PSMD2: variants seen among roughly 807,000 people sequenced by gnomAD.
PSMD2 encodes the protein 26S proteasome non-ATPase regulatory subunit 2.
Under a neutral mutation model 101.5 loss-of-function variants are expected in PSMD2, and 8 were observed. The observed-to-expected ratio is 0.08, with a 90% confidence interval of 0.05 to 0.14. The LOEUF (loss-of-function observed/expected upper bound fraction) is 0.14. PSMD2 is among the 10% of genes least tolerant of loss of function. The pLI is 1.00. For synonymous variants in PSMD2, 418 were observed against 433.8 expected (o/e 0.96, Z 0.45); for missense variants, 784 against 1,147.4 (o/e 0.68, Z 4.58).
At chr3:184,305,163 A>G (rs1721787245) in intron 12 of PSMD2, among the ~76,000 whole-genome samples, 1 of 152,014 alleles carries the variant, frequency 6.6e-6, no homozygotes, top group African/African-American at 2.4e-5. Context: ...ATCCTGAACA[A>G]GTAATTCAAT....
rs1577158367 is a variant in PSMD2 at position 184,304,468 on chromosome 3, AAAG to A, written c.1539+81_1539+83del. ...CTTACTTTCTGTGATAAATAATGAA[AAAG>A]AAGTAAGTGTGTGCATGTGTGCATA... On this transcript the variant is annotated intron_variant, in intron 12 of 20. Transcript: ENST00000310118. This position sits in a 1 kb window ranked among gnomAD's most constrained non-coding sequence, Gnocchi z 4.1. The A allele has an allele frequency of 2.5e-5, 37 of 1,460,260 alleles. No individual in the cohort carries two copies. In the East Asian group the frequency reaches 8.2e-4, roughly 32 times the overall value. The allele number at this position is 1,460,260 out of a possible 1,614,324, so 90.5% of individuals were successfully genotyped here.
chr3:184,306,028 T>C, intron 13 of PSMD2, 26 bp from the exon 14 acceptor site: 14 of 1,614,050 alleles, frequency 8.7e-6, no homozygotes, highest in Non-Finnish European at 1.1e-5. Context: ...GCAAGTATCC[T>C]CTGACCCCTT....
intron 8 of PSMD2, 62 bp from the exon 9 acceptor site, chr3:184,303,258 T>C: frequency 6.3e-7 from 1 of 1,577,206 alleles, no homozygotes; most frequent in Non-Finnish European, 8.6e-7. Flanking sequence ...TGCCATGCTG[T>C]GTTTCTTTCC....
chr3:184,308,158 G>A lies in PSMD2; in HGVS notation c.2425+142G>A. 8.8e-7 allele frequency: 1 copy of A among 1,138,454 alleles called. No individual in the cohort carries two copies. The highest frequency in any genetic ancestry group is 1.2e-6 in the Non-Finnish European group (1 of 817,824). The allele number at this position is 1,138,454 out of a possible 1,614,324, so 70.5% of individuals were successfully genotyped here. A position where few individuals can be genotyped will look rare whatever the true frequency, so the allele number is the denominator to read the frequency against. Reference sequence around the variant, plus strand: ...TTTCTGAGACAGGCTTTGGGCCTGTGACATGAGACTTTCATCACCCACACT... The same window carrying A: ...TTTCTGAGACAGGCTTTGGGCCTGTAACATGAGACTTTCATCACCCACACT... On this transcript the variant is annotated intron_variant, in intron 19 of 20. Transcript: ENST00000310118. The surrounding 1 kb of genome is among the most constrained non-coding windows in gnomAD (Gnocchi z 6.0).
chr3:184,308,540 A>T lies in PSMD2; in HGVS notation c.2517A>T (p.Pro839=), dbSNP rs779855079. ...MLVTFDEELR[P]LPVSVRVGQA... ...TTACGTTTGATGAGGAGCTGCGGCC[A>T]TTGCCAGTGTCTGTCCGTGTGGGCC... The change falls in exon 20 of 21, where the codon CCA becomes CCT. Residue 839 remains proline, a synonymous_variant. Transcript: ENST00000310118. This position sits in a 1 kb window ranked among gnomAD's most constrained non-coding sequence, Gnocchi z 6.0. 62 of 1,613,764 alleles carry T rather than the reference A, an allele frequency of 3.8e-5. No homozygotes were observed. The highest frequency in any genetic ancestry group is 4.7e-5 in the Non-Finnish European group (56 of 1,180,006).
At chr3:184,301,704 G>C in intron 4 of PSMD2, 46 bp downstream of exon 4, 1 of 1,612,128 alleles carries the variant, frequency 6.2e-7, no homozygotes, top group Non-Finnish European at 8.5e-7. Context: ...CTGAGGCTCT[G>C]AGATAATTCA....
In PSMD2 at chr3:184,303,839, C is replaced by G; in HGVS notation, c.1323+90C>G. Reference sequence around the variant, plus strand: ...CTCTCTTTCACTGATGAGGTCTGCCCAGTTTTTAACTCTAGTTAATAAGGG... The same window carrying G: ...CTCTCTTTCACTGATGAGGTCTGCCGAGTTTTTAACTCTAGTTAATAAGGG... On this transcript the variant is annotated intron_variant, in intron 10 of 20. Transcript: ENST00000310118. 5 of 1,601,606 alleles carry G rather than the reference C, an allele frequency of 3.1e-6. No homozygotes were observed. In the South Asian group the frequency reaches 5.5e-5, roughly 18 times the overall value.
rs987160008 is a variant in PSMD2 at position 184,299,283 on chromosome 3, G to A, written c.17G>A (p.Arg6Gln). The A allele has an allele frequency of 7.3e-7, 1 of 1,361,016 alleles. No homozygotes were observed. Among genetic ancestry groups the A allele is most frequent in the Non-Finnish European group, 9.5e-7 (1 of 1,057,548 alleles). 84.3% of individuals were successfully genotyped at this position (1,361,016 alleles called of 1,614,324 possible). A position where few individuals can be genotyped will look rare whatever the true frequency, so the allele number is the denominator to read the frequency against. ...GCGGCGGAGATGGAGGAGGGAGGCC[G>A]GGACAAGGCGCCGGTGCAGCCCCAG... The part of the protein sequence containing the change: MEEGG[R>Q]DKAPVQPQQS... Residue 6 changes from arginine (R) to glutamine (Q), a missense_variant, in exon 1 of 21, where the codon CGG becomes CAG. Arg to Gln is a conservative substitution (Grantham distance 43). Around this residue, in one of 6 missense-constraint regions of PSMD2, gnomAD observed 196 missense variants for 182.4 expected, o/e 1.07. Coordinates refer to ENST00000310118, the MANE Select transcript of PSMD2 (RefSeq NM_002808.5).
Position 184,308,086 on chromosome 3 carries a change from T to C in PSMD2, c.2425+70T>C. The C allele has an allele frequency of 1.9e-6, 3 of 1,585,420 alleles. No homozygotes were observed. The highest frequency in any genetic ancestry group is 1.7e-5 in the Admixed American group (1 of 58,002). ...GACTCCACCCTTTCCAGGGCCACTT[T>C]GATAATTTAGGTTCAAGACCCCAGT... On this transcript the variant is annotated intron_variant, in intron 19 of 20. Transcript: ENST00000310118. This position sits in a 1 kb window ranked among gnomAD's most constrained non-coding sequence, Gnocchi z 6.0.
intron 3 of PSMD2, 73 bp downstream of exon 3, chr3:184,300,517 T>G: frequency 1.9e-6 from 3 of 1,543,524 alleles, no homozygotes; most frequent in Non-Finnish European, 2.6e-6. Context: ...GGGGACTCAT[T>G]GTGAGTCACA....
Position 184,299,334 on chromosome 3 carries a change from G to A in PSMD2, c.68G>A (p.Gly23Asp). 1.4e-6 allele frequency: 2 copies of A among 1,411,310 alleles called. No individual in the cohort carries two copies. The highest frequency in any genetic ancestry group is 1.4e-5 in the South Asian group (1 of 69,016). The allele number at this position is 1,411,310 out of a possible 1,614,324, so 87.4% of individuals were successfully genotyped here. A position where few individuals can be genotyped will look rare whatever the true frequency, so the allele number is the denominator to read the frequency against. Residue 23 changes from glycine (G) to aspartate (D), a missense_variant, in exon 1 of 21, where the codon GGC (glycine) becomes GAC (aspartate). Around this residue, in one of 6 missense-constraint regions of PSMD2, gnomAD observed 196 missense variants for 182.4 expected, o/e 1.07. Transcript: ENST00000310118. ...PQQSPAAAPG[G>D]TDEKPSGKER... is the part of the protein sequence containing the mutation. ...CAGTCTCCAGCGGCGGCCCCCGGCG[G>A]CACGGACGAGAAGCCGAGCGGCAAG...
intron 3 of PSMD2, 90 bp downstream of exon 3, chr3:184,300,534 C>T (rs1721606859): frequency 1.3e-6 from 2 of 1,516,948 alleles, no homozygotes; most frequent in Non-Finnish European, 1.8e-6. Context: ...CACAGGAAGC[C>T]TGATAGACCT....
intron 8 of PSMD2, 79 bp from the exon 9 acceptor site, chr3:184,303,241 G>A (rs997479952): frequency 2.0e-5 from 31 of 1,554,818 alleles, no homozygotes; most frequent in Non-Finnish European, 2.6e-5. Context: ...CAGAACCAGA[G>A]ACCAGTTGCC....
rs1306781056 is a variant in PSMD2, at chr3:184,307,958, C to A, written c.2367C>A (p.Ser789Arg). The A allele has an allele frequency of 1.2e-6, 2 of 1,614,142 alleles. No individual in the cohort carries two copies. Among genetic ancestry groups the A allele is most frequent in the Non-Finnish European group, 1.7e-6 (2 of 1,180,032 alleles). Residue 789 changes from serine to arginine, a missense_variant, in exon 19 of 21, where the codon AGC (serine) becomes AGA (arginine). Physicochemically the swap from Ser to Arg is moderately radical, Grantham distance 110 (BLOSUM62 -1). Transcript: ENST00000310118. ...ACCACAGCGACCGGCAGCTTATGAG[C>A]CAGGTGGCCGTGGCTGGACTGCTCA... The part of the protein sequence containing the change: ...CPYHSDRQLM[S>R]QVAVAGLLTV...
At chr3:184,299,489 C>T (rs1415508653) in intron 1 of PSMD2, 88 bp downstream of exon 1, 3 of 1,305,626 alleles carry the variant, frequency 2.3e-6, no homozygotes, top group African/African-American at 1.5e-5. Flanking sequence ...ACCCAACTAC[C>T]CCACCGCGCC....
At position 184,306,343 on chromosome 3, in the gene PSMD2, G is replaced by A. The variant is rs758051880; in HGVS notation, c.1805-7G>A. ...TCTGTCCATTCTCCCTCACCACCCT[G>A]ACGCAGGCTCTGGGAATGTGCTGAA... On this transcript the variant is annotated splice_region_variant and splice_polypyrimidine_tract_variant and intron_variant, in intron 14 of 20. Coordinates refer to ENST00000310118, the MANE Select transcript of PSMD2 (RefSeq NM_002808.5). 6.2e-7 allele frequency: 1 copy of A among 1,612,920 alleles called. No homozygotes were observed.
chr3:184,307,893 C>T lies in PSMD2; in HGVS notation c.2302C>T (p.Leu768=). The stretch of plus-strand genomic sequence containing the variant: ...TACTTCCCTCTGTTTTTTTCAGGGC[C>T]TGACACATTTAGGGAAGGGCACCCT... ...NLFMVRLAQG[L]THLGKGTLTL... is the part of the protein sequence containing the mutation. Residue 768 remains leucine, a synonymous_variant, in exon 19 of 21, where the codon CTG becomes TTG. Coordinates refer to ENST00000310118, the MANE Select transcript of PSMD2 (RefSeq NM_002808.5). 1.2e-6 allele frequency: 2 copies of T among 1,613,972 alleles called. No individual in the cohort carries two copies. Among genetic ancestry groups the T allele is most frequent in the Admixed American group, 1.7e-5 (1 of 59,992 alleles).
chr3:184,304,410 GC>G lies in PSMD2; in HGVS notation c.1539+20del. 2 of 1,606,774 alleles carry G rather than the reference GC, an allele frequency of 1.2e-6. No homozygotes were observed. The highest frequency in any genetic ancestry group is 1.7e-6 in the Non-Finnish European group (2 of 1,173,234). On this transcript the variant is annotated intron_variant, in intron 12 of 20. Coordinates refer to ENST00000310118, the MANE Select transcript of PSMD2 (RefSeq NM_002808.5). This position sits in a 1 kb window ranked among gnomAD's most constrained non-coding sequence, Gnocchi z 4.1. ...CATGGAGGTGAGTAGAGGCTATTGA[GC>G]ATTTAGAGTAAGTAGGGAAGGTGCT...
At position 184,302,042 on chromosome 3, in the gene PSMD2, A is replaced by C. The variant is rs554055343; in HGVS notation, c.675A>C (p.Ala225=). 1 of 1,614,188 alleles carries C rather than the reference A, an allele frequency of 6.2e-7. No individual in the cohort carries two copies. The highest frequency in any genetic ancestry group is 1.3e-5 in the African/African-American group (1 of 75,068). The part of the protein sequence containing the change: ...DMLEKDIDEN[A]YAKVCLYLTS... ...TGGAGAAGGACATTGATGAAAATGC[A>C]TATGCAAAGGTCTGCCTTTATCTCA... Residue 225 remains alanine, a synonymous_variant, in exon 5 of 21, where the codon GCA becomes GCC. Coordinates refer to ENST00000310118, the MANE Select transcript of PSMD2 (RefSeq NM_002808.5).
Sources: allele counts gnomAD v4.1 joint callset (sites outside exome capture counted in the v4.1 genomes callset), GRCh38; gene constraint gnomAD v4.1.1; regional missense constraint gnomAD v4.1.1; non-coding constraint Gnocchi (gnomAD v3.1); transcripts MANE v1.5; gene names NCBI Gene and HGNC (gene_info 2026-07-23, HGNC 2026-07-21).